TENM3: variants seen among roughly 807,000 people sequenced by gnomAD.
TENM3 encodes teneurin-3.
In TENM3, 63 loss-of-function variants were observed where a neutral mutation model predicts 255.1. The observed-to-expected ratio is 0.25, with a 90% CI of 0.20 to 0.30. The LOEUF (loss-of-function observed/expected upper bound fraction) is 0.30, where lower values mean the gene tolerates loss of function less well. Ranked by LOEUF, TENM3 falls within the 10% of genes least tolerant of loss-of-function variation. The pLI is 1.00. For synonymous variants in TENM3, 1,306 were observed against 1,322.3 expected (o/e 0.99, Z 0.27); for missense variants, 2,929 against 3,461.1 (o/e 0.85, Z 3.86).
chr4:181,889,475 G>A, the TENM3 span, among the ~76,000 whole-genome samples: 1 of 152,112 alleles, frequency 6.6e-6, no homozygotes, highest in South Asian at 2.1e-4. Flanking sequence ...CCAGCCTCGG[G>A]TATTCCTTTA....
At chr4:181,700,909 T>A in the TENM3 span, among the ~76,000 whole-genome samples, 2 of 152,214 alleles carry the variant, frequency 1.3e-5, no homozygotes, top group Non-Finnish European at 2.9e-5. Context: ...TTCAATTTTT[T>A]AATTTATTTT....
At chr4:182,524,508 A>C (rs1280868975) in intron 3 of TENM3, among the ~76,000 whole-genome samples, 2 of 151,550 alleles carry the variant, frequency 1.3e-5, no homozygotes, top group African/African-American at 4.8e-5. Flanking sequence ...ACAGGTGTGC[A>C]CCACCATGCC....
At chr4:181,775,597 A>G in the TENM3 span, among the ~76,000 whole-genome samples, 1,813 of 152,250 alleles carry the variant, frequency 0.012, 26 homozygotes, top group African/African-American at 0.042. Context: ...AAATTATCAA[A>G]CAGGAAGAAG....
At chr4:182,284,705 A>G (rs1403063578) in intron 1 of TENM3, among the ~76,000 whole-genome samples, 3 of 152,042 alleles carry the variant, frequency 2.0e-5, no homozygotes, top group Non-Finnish European at 4.4e-5. Flanking sequence ...TTGGGAAGGG[A>G]AAAAAAAGTG....
At chr4:182,052,458 G>A in the TENM3 span, among the ~76,000 whole-genome samples, 1 of 152,124 alleles carries the variant, frequency 6.6e-6, no homozygotes, top group Non-Finnish European at 1.5e-5. Context: ...TAAATTCAGA[G>A]GCATTGTTTC....
At chr4:182,363,430 T>A in intron 3 of TENM3, among the ~76,000 whole-genome samples, 1 of 151,844 alleles carries the variant, frequency 6.6e-6, no homozygotes, top group East Asian at 1.9e-4. Context: ...TATATACATA[T>A]ATATGCATGT....
the TENM3 span, among the ~76,000 whole-genome samples, chr4:181,469,048 T>G: frequency 1.3e-5 from 2 of 152,340 alleles, no homozygotes; most frequent in South Asian, 4.1e-4. Flanking sequence ...AATAAATGAT[T>G]GAACTGCAGG....
intron 3 of TENM3, among the ~76,000 whole-genome samples, chr4:182,441,825 C>T (rs1251032958): frequency 6.6e-6 from 1 of 152,140 alleles, no homozygotes; most frequent in African/African-American, 2.4e-5. Flanking sequence ...TGTACCTGGC[C>T]CAAACCAGCA....
At chr4:181,852,078 A>T in the TENM3 span, among the ~76,000 whole-genome samples, 1 of 152,202 alleles carries the variant, frequency 6.6e-6, no homozygotes, top group East Asian at 1.9e-4. Context: ...TTCCAGCCAA[A>T]CCAAGAGAAA....
chr4:181,688,699 G>T, the TENM3 span, among the ~76,000 whole-genome samples: 1 of 152,056 alleles, frequency 6.6e-6, no homozygotes, highest in Non-Finnish European at 1.5e-5. Flanking sequence ...TCTTGAGAAG[G>T]GGGCCTGCCA....
rs1365659026 is a variant in TENM3, at chr4:182,328,952, A to G, written c.232+4700A>G. Among the ~76,000 whole-genome samples, 3 of 152,152 alleles carry G rather than the reference A, an allele frequency of 2.0e-5. No homozygotes were observed. The East Asian group carries it at 5.8e-4, about 29-fold the overall frequency. ...TGGGCTGCATCCTGAGCGCTAGCCC[A>G]TCTTGTATGCAAACATTCCAGATGC... On this transcript the variant is annotated intron_variant, in intron 2 of 27. Transcript: ENST00000511685.
the TENM3 span, among the ~76,000 whole-genome samples, chr4:181,490,950 C>T: frequency 3.9e-5 from 6 of 151,974 alleles, no homozygotes; most frequent in African/African-American, 9.7e-5. Context: ...CCAAAACAAG[C>T]GTAATTTTGC....
chr4:182,745,886 C>T (rs1761978418), intron 19 of TENM3, among the ~76,000 whole-genome samples: 1 of 151,940 alleles, frequency 6.6e-6, no homozygotes, highest in Non-Finnish European at 1.5e-5. Context: ...GTACTAACTC[C>T]TGGTGTTTGG....
chr4:182,754,469 A>G lies in TENM3; in HGVS notation c.4102A>G (p.Ile1368Val). 1.2e-6 allele frequency: 2 copies of G among 1,612,826 alleles called. No individual in the cohort carries two copies. The highest frequency in any genetic ancestry group is 1.7e-6 in the Non-Finnish European group (2 of 1,179,384). ...CCTGGATAATAATGTAGTTTTACAG[A>G]TCACTGAAAATCGTCAAGTTCGCAT... ...YVLDNNVVLQ[I>V]TENRQVRIAA... The change falls in exon 22 of 28, where the codon ATC (isoleucine) becomes GTC (valine). Residue 1368 changes from isoleucine to valine, a missense_variant. Coordinates refer to ENST00000511685, the MANE Select transcript of TENM3 (RefSeq NM_001080477.4). This position sits in a 1 kb window ranked among gnomAD's most constrained non-coding sequence, Gnocchi z 5.1.
At chr4:181,786,374 A>G in the TENM3 span, among the ~76,000 whole-genome samples, 1 of 152,208 alleles carries the variant, frequency 6.6e-6, no homozygotes, top group African/African-American at 2.4e-5. Context: ...CACGGGAGTC[A>G]TACAAAATAT....
At chr4:182,520,715 T>C (rs964079477) in intron 3 of TENM3, among the ~76,000 whole-genome samples, 2 of 152,210 alleles carry the variant, frequency 1.3e-5, no homozygotes, top group African/African-American at 4.8e-5. Context: ...AAATTAGTTC[T>C]GGACAAGTTA....
chr4:181,531,773 G>C, the TENM3 span, among the ~76,000 whole-genome samples: 29,248 of 152,210 alleles, frequency 0.19, 3,507 homozygotes, highest in Non-Finnish European at 0.28. Flanking sequence ...GTGTACACGG[G>C]ACTGGGGAAA....
At chr4:181,921,972 T>C in the TENM3 span, among the ~76,000 whole-genome samples, 2 of 152,238 alleles carry the variant, frequency 1.3e-5, no homozygotes, top group African/African-American at 4.8e-5. Context: ...AAAGGCCTTT[T>C]CTGCATCTAT....
chr4:181,604,590 C>G, the TENM3 span, among the ~76,000 whole-genome samples: 1 of 152,172 alleles, frequency 6.6e-6, no homozygotes, highest in Non-Finnish European at 1.5e-5. Context: ...AAAGTGTACC[C>G]GTTCTGGAGT....
Sources: gnomAD v4.1 joint callset for allele counts (sites outside exome capture counted in the v4.1 genomes callset) on GRCh38, gnomAD v4.1.1 for gene constraint, Gnocchi (gnomAD v3.1) non-coding constraint, MANE v1.5 for transcripts, NCBI Gene and HGNC (gene_info 2026-07-23, HGNC 2026-07-21) for gene names.